Variants in MRC2 observed in about 807,000 individuals in gnomAD.
MRC2 encodes the protein mannose receptor C-type 2.
MRC2 carries 84 observed loss-of-function variants against 206.2 expected under a neutral mutation model. The observed-to-expected ratio is 0.41, with a 90% CI of 0.34 to 0.49. MRC2 has a LOEUF of 0.49. Among genes scored for constraint, MRC2 ranks in the 20% least tolerant of loss-of-function variants. The probability of loss-of-function intolerance (pLI) is 0.31; values close to 1 mark genes in which losing one functional copy is unlikely to be tolerated. For missense variants in MRC2, 1,676 were observed against 2,001.5 expected (o/e 0.84, Z 3.10); for synonymous variants, 798 against 800.0 (o/e 1.00, Z 0.04).
At chr17:62,688,181 C>T in intron 20 of MRC2, 108 bp from the exon 21 acceptor site, 1 of 870,520 alleles carries the variant, frequency 1.1e-6, no homozygotes, top group Non-Finnish European at 1.8e-6. Context: ...TCTCTCCCGG[C>T]CCTCAAAGGC....
chr17:62,675,096 G>A lies in MRC2; in HGVS notation c.1570-694G>A, dbSNP rs1440886817. Among the ~76,000 whole-genome samples, 3 of 151,858 alleles carry A rather than the reference G, an allele frequency of 2.0e-5. No individual in the cohort carries two copies. The highest frequency in any genetic ancestry group is 4.4e-5 in the Non-Finnish European group (3 of 68,012). On this transcript the variant is annotated intron_variant, in intron 9 of 29. Coordinates refer to ENST00000303375, the MANE Select transcript of MRC2 (RefSeq NM_006039.5). The surrounding 1 kb of genome is among the most constrained non-coding windows in gnomAD (Gnocchi z 4.1). ...GGCCCAGGGGCTGTGTCATGGCTGC[G>A]AAGAGGTGAAGGGAGGAGTAGAGAG...
intron 1 of MRC2, among the ~76,000 whole-genome samples, chr17:62,663,192 TTCCC>T (rs1312922269): frequency 1.3e-4 from 20 of 150,422 alleles, no homozygotes; most frequent in African/African-American, 3.4e-4. Flanking sequence ...CTTACCTTCC[TTCCC>T]TCCCTCCCTC....
intron 28 of MRC2, among the ~76,000 whole-genome samples, chr17:62,691,410 A>C (rs2089110416): frequency 6.6e-6 from 1 of 152,218 alleles, no homozygotes; most frequent in East Asian, 1.9e-4. Context: ...TGGCCATGTC[A>C]CTTATCAGTG....
In MRC2 at chr17:62,677,423, C is replaced by T. The variant is rs1177116788; in HGVS notation, c.1989C>T (p.Pro663=). 3 of 1,611,882 alleles carry T rather than the reference C, an allele frequency of 1.9e-6. No individual in the cohort carries two copies. In the East Asian group the frequency reaches 6.7e-5, roughly 36 times the overall value. Residue 663 remains proline, a synonymous_variant, in exon 12 of 30, where the codon CCC becomes CCT. Transcript: ENST00000303375. Reference sequence around the variant, plus strand: ...AGCTGCCGGGGCCAGATCCCACGCCCAGCCTCACTGGCTCCTGTCCCCAGG... The same window carrying T: ...AGCTGCCGGGGCCAGATCCCACGCCTAGCCTCACTGGCTCCTGTCCCCAGG... ...TPELPGPDPT[P]SLTGSCPQGW...
intron 1 of MRC2, among the ~76,000 whole-genome samples, chr17:62,656,132 C>T (rs912549172): frequency 5.9e-5 from 9 of 152,110 alleles, no homozygotes; most frequent in African/African-American, 9.7e-5. Flanking sequence ...CTGCAACCTC[C>T]GCCTCCTGGG....
In MRC2 at chr17:62,680,620, G is replaced by T. The variant is rs571698984; in HGVS notation, c.2473+167G>T. 19 of 1,277,636 alleles carry T rather than the reference G, an allele frequency of 1.5e-5. No individual in the cohort carries two copies. The South Asian group carries it at 1.6e-4, about 11-fold the overall frequency. 79.1% of individuals were successfully genotyped at this position (1,277,636 alleles called of 1,614,324 possible). On this transcript the variant is annotated intron_variant, in intron 16 of 29. Transcript: ENST00000303375. The surrounding 1 kb of genome is among the most constrained non-coding windows in gnomAD (Gnocchi z 4.8). ...GGCAGCCACAGCCCTGTTTGCTTCC[G>T]TGTGGGAGGCGAGGCAAGCCTGGGG...
At position 62,678,627 on chromosome 17, in the gene MRC2, A is replaced by G. The variant is rs1250230570; in HGVS notation, c.2176A>G (p.Met726Val). The G allele has an allele frequency of 6.2e-6, 10 of 1,611,644 alleles. No individual in the cohort carries two copies. The highest frequency in any genetic ancestry group is 8.5e-6 in the Non-Finnish European group (10 of 1,179,150). Residue 726 changes from methionine (M) to valine (V), a missense_variant, in exon 13 of 30, where the codon ATG (methionine) becomes GTG (valine). This residue lies in a region of MRC2 where 1,354 missense variants were observed against 1,636.6 expected (regional missense o/e 0.83). Coordinates refer to ENST00000303375, the MANE Select transcript of MRC2 (RefSeq NM_006039.5). The stretch of plus-strand genomic sequence containing the variant: ...CGAGGAGGAGCACTTTGTGGCCAAC[A>G]TGCTCAACAAGATCTTCGGGTACTG... The part of the protein sequence containing the change: ...SYEEEHFVAN[M>V]LNKIFGESEP...
At chr17:62,639,737 G>T (rs927421859) in intron 1 of MRC2, among the ~76,000 whole-genome samples, 1 of 152,150 alleles carries the variant, frequency 6.6e-6, no homozygotes, top group Non-Finnish European at 1.5e-5. Context: ...CAATGCTCCC[G>T]CCTAAGCCTC....
chr17:62,644,638 ATTTGTGTCCT>A (rs914180647), intron 1 of MRC2, among the ~76,000 whole-genome samples: 4 of 152,058 alleles, frequency 2.6e-5, no homozygotes, highest in African/African-American at 9.7e-5. Context: ...CCCCAGCAGC[ATTTGTGTCCT>A]GTTCCCAGTA....
At chr17:62,678,447 C>A (rs890111445) in intron 12 of MRC2, 57 bp from the exon 13 acceptor site, 3 of 1,575,050 alleles carry the variant, frequency 1.9e-6, no homozygotes, top group Non-Finnish European at 2.6e-6. Context: ...GCAGTAGGTG[C>A]CCCCTGAGGG....
chr17:62,667,366 G>A lies in MRC2; in HGVS notation c.974-24G>A. Reference sequence around the variant, plus strand: ...GGTGTGAGCTTCTCTCTCCGGGGGTGCTGGCGCCCTGCCCTCCCCACAGAC... The same window carrying A: ...GGTGTGAGCTTCTCTCTCCGGGGGTACTGGCGCCCTGCCCTCCCCACAGAC... On this transcript the variant is annotated intron_variant, in intron 5 of 29. Coordinates refer to ENST00000303375, the MANE Select transcript of MRC2 (RefSeq NM_006039.5). This position sits in a 1 kb window ranked among gnomAD's most constrained non-coding sequence, Gnocchi z 4.1. 1 of 1,574,706 alleles carries A rather than the reference G, an allele frequency of 6.4e-7. No individual in the cohort carries two copies. The highest frequency in any genetic ancestry group is 8.6e-7 in the Non-Finnish European group (1 of 1,161,594).
In MRC2 at chr17:62,677,464, C is replaced by A; in HGVS notation, c.2030C>A (p.Thr677Asn). 5 of 1,606,432 alleles carry A rather than the reference C, an allele frequency of 3.1e-6. No homozygotes were observed. The highest frequency in any genetic ancestry group is 4.3e-6 in the Non-Finnish European group (5 of 1,175,618). ...TGTCCCCAGGGCTGGGCCTCGGACA[C>A]CAAACTCCGGTATTGCTATAAGGTA... ...GSCPQGWASD[T>N]KLRYCYKVFS... Residue 677 changes from threonine (T) to asparagine (N), a missense_variant, in exon 12 of 30, where the codon ACC becomes AAC. By Grantham distance (65) the Thr-to-Asn change is moderately conservative. This residue lies in a region of MRC2 where 1,354 missense variants were observed against 1,636.6 expected (regional missense o/e 0.83). Coordinates refer to ENST00000303375, the MANE Select transcript of MRC2 (RefSeq NM_006039.5).
In MRC2 at chr17:62,688,962, T is replaced by C; in HGVS notation, c.3334+2T>C. On this transcript the variant is annotated splice_donor_variant, in intron 23 of 29. Coordinates refer to ENST00000303375, the MANE Select transcript of MRC2 (RefSeq NM_006039.5). LOFTEE classifies it high-confidence loss of function. Reference sequence around the variant, plus strand: ...GCTTCATCTGCCAGAAGGGCACGGGTATGTGTCACCAGTCACCTGGGAAAC... The same window carrying C: ...GCTTCATCTGCCAGAAGGGCACGGGCATGTGTCACCAGTCACCTGGGAAAC... 6.2e-7 allele frequency: 1 copy of C among 1,612,192 alleles called. No individual in the cohort carries two copies. Among genetic ancestry groups the C allele is most frequent in the Non-Finnish European group, 8.5e-7 (1 of 1,179,056 alleles).
At chr17:62,647,048 C>A (rs559770785) in intron 1 of MRC2, among the ~76,000 whole-genome samples, 1 of 152,214 alleles carries the variant, frequency 6.6e-6, no homozygotes, top group East Asian at 1.9e-4. Flanking sequence ...GGCCCACACA[C>A]CGGCATTGCA....
rs1206913618 is a variant in MRC2, at chr17:62,675,565, C to T, written c.1570-225C>T. On this transcript the variant is annotated intron_variant, in intron 9 of 29. Transcript: ENST00000303375. The surrounding 1 kb of genome is among the most constrained non-coding windows in gnomAD (Gnocchi z 4.1). ...TCGCTGGTGGCCTGCCAATCAGCCA[C>T]GCTGGGGCTGGGCCTCCACCCCAGC... Among the ~76,000 whole-genome samples, 1 of 152,180 alleles carries T rather than the reference C, an allele frequency of 6.6e-6. No homozygotes were observed. The highest frequency in any genetic ancestry group is 1.5e-5 in the Non-Finnish European group (1 of 68,028).
chr17:62,671,821 C>G lies in MRC2; in HGVS notation c.1290C>G (p.Thr430=). Residue 430 remains threonine (T), a synonymous_variant, in exon 7 of 30, where the codon ACC becomes ACG. Transcript: ENST00000303375. This position sits in a 1 kb window ranked among gnomAD's most constrained non-coding sequence, Gnocchi z 4.5. ...IHSMAELEFI[T]KQIKQEVEEL... is the part of the protein sequence containing the mutation. Reference sequence around the variant, plus strand: ...GCATGGCGGAGCTGGAATTCATCACCAAGCAGATCAAGCAAGGTGAGGAGC... The same window carrying G: ...GCATGGCGGAGCTGGAATTCATCACGAAGCAGATCAAGCAAGGTGAGGAGC... The G allele has an allele frequency of 6.3e-7, 1 of 1,597,786 alleles. No individual in the cohort carries two copies. The highest frequency in any genetic ancestry group is 8.6e-7 in the Non-Finnish European group (1 of 1,169,354).
At position 62,690,329 on chromosome 17, in the gene MRC2, C is replaced by T. The variant is rs554612726; in HGVS notation, c.3892+24C>T. 10 of 1,588,288 alleles carry T rather than the reference C, an allele frequency of 6.3e-6. No individual in the cohort carries two copies. In the African/African-American group the frequency reaches 1.2e-4, roughly 19 times the overall value. ...AGGTGGGTGACCAGGCCAGAGCCCACACATGGCGGGCAGGTGGCACCTCCT... is the reference window on the plus strand; with the variant it reads ...AGGTGGGTGACCAGGCCAGAGCCCATACATGGCGGGCAGGTGGCACCTCCT... On this transcript the variant is annotated intron_variant, in intron 26 of 29. Transcript: ENST00000303375.
chr17:62,627,905 G>T lies in MRC2; in HGVS notation c.103G>T (p.Asp35Tyr). The T allele has an allele frequency of 6.8e-7, 1 of 1,465,890 alleles. No homozygotes were observed. Among genetic ancestry groups the T allele is most frequent in the Non-Finnish European group, 9.0e-7 (1 of 1,115,700 alleles). 90.8% of individuals were successfully genotyped at this position (1,465,890 alleles called of 1,614,324 possible). ...CCTCGGCCGTCCCGGCGCCCCTGGG[G>T]ACGCCGCCCTCCCGGGTAAGGCGCT... is the stretch of plus-strand genomic sequence containing the variant. ...LHLGRPGAPG[D>Y]AALPEPNVFL... The change falls in exon 1 of 30, where the codon GAC (aspartate) becomes TAC (tyrosine). Residue 35 changes from aspartate (D) to tyrosine (Y), a missense_variant. Physicochemically the swap from Asp to Tyr is radical, Grantham distance 160. This residue lies in a region of MRC2 where 318 missense variants were observed against 346.7 expected (regional missense o/e 0.92). Transcript: ENST00000303375.
At chr17:62,663,734 G>C (rs1003366814) in intron 1 of MRC2, among the ~76,000 whole-genome samples, 8 of 152,264 alleles carry the variant, frequency 5.3e-5, no homozygotes, top group Admixed American at 2.0e-4. Flanking sequence ...GAGTGGTCTG[G>C]GAAGATCCTA....
Sources: allele counts gnomAD v4.1 joint callset (sites outside exome capture counted in the v4.1 genomes callset), GRCh38; gene constraint gnomAD v4.1.1; regional missense constraint gnomAD v4.1.1; non-coding constraint Gnocchi (gnomAD v3.1); transcripts MANE v1.5; gene names NCBI Gene and HGNC (gene_info 2026-07-23, HGNC 2026-07-21).